UBE2E2: variants seen among roughly 807,000 people sequenced by gnomAD.
UBE2E2 encodes the protein ubiquitin conjugating enzyme E2 E2.
Under a neutral mutation model 24.7 loss-of-function variants are expected in UBE2E2, and 6 were observed. The ratio of observed to expected loss-of-function variants is 0.24; its 90% CI spans 0.13 to 0.48. The LOEUF is 0.48. Among genes scored for constraint, UBE2E2 ranks in the 20% least tolerant of loss-of-function variants. The probability of loss-of-function intolerance (pLI) is 0.99; values close to 1 mark genes in which losing one functional copy is unlikely to be tolerated. For synonymous variants in UBE2E2, 104 were observed against 83.6 expected (o/e 1.24, Z -1.33); for missense variants, 169 against 245.0 (o/e 0.69, Z 2.07).
chr3:23,305,867 T>C (rs1167691505), intron 3 of UBE2E2, among the ~76,000 whole-genome samples: 2 of 152,174 alleles, frequency 1.3e-5, no homozygotes. Context: ...AGTGCTGAGA[T>C]TACAGGTGTG....
At chr3:23,347,316 A>G (rs1230445167) in intron 3 of UBE2E2, among the ~76,000 whole-genome samples, 3 of 152,264 alleles carry the variant, frequency 2.0e-5, no homozygotes, top group Non-Finnish European at 2.9e-5. Flanking sequence ...ATGTCCATCA[A>G]TAATAGACTG....
intron 3 of UBE2E2, among the ~76,000 whole-genome samples, chr3:23,363,378 C>T (rs1250073350): frequency 2.0e-5 from 3 of 152,132 alleles, no homozygotes; most frequent in Non-Finnish European, 4.4e-5. Flanking sequence ...GAAGCAAGAT[C>T]GAACTGTATC....
chr3:23,266,042 C>T (rs1303428351), intron 3 of UBE2E2, among the ~76,000 whole-genome samples: 1 of 152,120 alleles, frequency 6.6e-6, no homozygotes, highest in East Asian at 1.9e-4. Context: ...ATGTGTGTGT[C>T]TGCACGTGAG....
At chr3:23,328,905 G>A (rs776624339) in intron 3 of UBE2E2, among the ~76,000 whole-genome samples, 3 of 151,984 alleles carry the variant, frequency 2.0e-5, no homozygotes, top group African/African-American at 4.8e-5. Context: ...CAAATGATCC[G>A]CCCACCTCGG....
At chr3:23,295,932 T>A (rs190008951) in intron 3 of UBE2E2, among the ~76,000 whole-genome samples, 1 of 152,346 alleles carries the variant, frequency 6.6e-6, no homozygotes, top group East Asian at 1.9e-4. Context: ...GGTTAGAAAC[T>A]ATTTTTTAAA....
intron 3 of UBE2E2, among the ~76,000 whole-genome samples, chr3:23,292,988 G>T (rs1056245839): frequency 6.6e-6 from 1 of 152,170 alleles, no homozygotes; most frequent in Non-Finnish European, 1.5e-5. Flanking sequence ...CAGGAGAATC[G>T]CTTGAACCTG....
intron 3 of UBE2E2, among the ~76,000 whole-genome samples, chr3:23,450,477 T>G (rs1002221094): frequency 6.6e-6 from 1 of 152,218 alleles, no homozygotes; most frequent in African/African-American, 2.4e-5. Context: ...AACATTGCTA[T>G]AGATACACCT....
At chr3:23,510,914 A>G (rs1350834869) in intron 4 of UBE2E2, among the ~76,000 whole-genome samples, 1 of 152,220 alleles carries the variant, frequency 6.6e-6, no homozygotes, top group Non-Finnish European at 1.5e-5. Context: ...GGCTGACACA[A>G]TAGTTCAGCC....
At chr3:23,463,978 T>C (rs942975576) in intron 3 of UBE2E2, among the ~76,000 whole-genome samples, 1 of 152,166 alleles carries the variant, frequency 6.6e-6, no homozygotes, top group Non-Finnish European at 1.5e-5. Flanking sequence ...AACTGTGACA[T>C]TGGGCTCCAT....
chr3:23,398,807 G>A (rs550453244), intron 3 of UBE2E2, among the ~76,000 whole-genome samples: 28 of 152,042 alleles, frequency 1.8e-4, no homozygotes, highest in African/African-American at 6.5e-4. Context: ...TAATGATCTG[G>A]GTTTAAACCT....
Position 23,323,345 on chromosome 3 carries a change from T to C in UBE2E2, c.227+106033T>C, listed in dbSNP as rs181561885. 3.3e-5 allele frequency among the ~76,000 whole-genome samples: 5 copies of C among 152,304 alleles called. No individual in the cohort carries two copies. The East Asian group carries it at 9.6e-4, about 29-fold the overall frequency. ...TGGTTAGTCATGGTAGTACTTACTGTCTTGTTTCTTCTAGGGAATACAAAA... is the reference window on the plus strand; with the variant it reads ...TGGTTAGTCATGGTAGTACTTACTGCCTTGTTTCTTCTAGGGAATACAAAA... On this transcript the variant is annotated intron_variant, in intron 3 of 5. Transcript: ENST00000396703.
chr3:23,215,894 A>G lies in UBE2E2; in HGVS notation c.177-1368A>G, dbSNP rs138763308. Among the ~76,000 whole-genome samples, 34 of 152,274 alleles carry G rather than the reference A, an allele frequency of 2.2e-4. 1 individual carries two copies. In the East Asian group the frequency reaches 6.6e-3, roughly 29 times the overall value. On this transcript the variant is annotated intron_variant, in intron 2 of 5. Transcript: ENST00000396703. ...TGAAATCCATAAAATATCTTCTCCT[A>G]TATCAAATCTTTGAGACTTCTGTCA... is the stretch of plus-strand genomic sequence containing the variant.
chr3:23,311,590 C>A (rs565975700), intron 3 of UBE2E2, among the ~76,000 whole-genome samples: 3 of 152,084 alleles, frequency 2.0e-5, no homozygotes, highest in African/African-American at 7.2e-5. Context: ...TGCTTACATT[C>A]TCTGTGCTTT....
rs1463863638 is a variant in UBE2E2 at position 23,589,074 on chromosome 3, A to G, written c.509-660A>G. On this transcript the variant is annotated intron_variant, in intron 5 of 5. Coordinates refer to ENST00000396703, the MANE Select transcript of UBE2E2 (RefSeq NM_152653.4). This position sits in a 1 kb window ranked among gnomAD's most constrained non-coding sequence, Gnocchi z 4.1. The stretch of plus-strand genomic sequence containing the variant: ...GCCAAACGTCTTCCCAGGAGAGCTC[A>G]TCAAGAGCCCATGAGTCCCCTGCCC... 6.6e-6 allele frequency among the ~76,000 whole-genome samples: 1 copy of G among 152,020 alleles called. No individual in the cohort carries two copies. The highest frequency in any genetic ancestry group is 1.5e-5 in the Non-Finnish European group (1 of 68,004).
intron 3 of UBE2E2, among the ~76,000 whole-genome samples, chr3:23,361,952 G>A (rs1696126983): frequency 6.6e-6 from 1 of 152,174 alleles, no homozygotes; most frequent in Admixed American, 6.5e-5. Flanking sequence ...TAATTTAAAA[G>A]TTTTAATTGT....
chr3:23,382,245 A>G (rs6799132), intron 3 of UBE2E2, among the ~76,000 whole-genome samples: 124,051 of 148,162 alleles, frequency 0.84, 51,956 homozygotes, highest in African/African-American at 0.88. Flanking sequence ...GCAGTGGCGC[A>G]ATCTCGGCTC....
chr3:23,341,525 G>T (rs1695387178), intron 3 of UBE2E2, among the ~76,000 whole-genome samples: 1 of 152,142 alleles, frequency 6.6e-6, no homozygotes, highest in South Asian at 2.1e-4. Context: ...ACAAGCTAAA[G>T]GTTTGAGTGT....
chr3:23,377,270 T>C (rs1696548278), intron 3 of UBE2E2, among the ~76,000 whole-genome samples: 1 of 152,164 alleles, frequency 6.6e-6, no homozygotes. Flanking sequence ...AATTGTCTCA[T>C]TTAGCAAGCA....
intron 4 of UBE2E2, among the ~76,000 whole-genome samples, chr3:23,522,384 G>T (rs970707791): frequency 1.3e-5 from 2 of 152,058 alleles, no homozygotes; most frequent in East Asian, 3.9e-4. Context: ...TGCCCGCCTC[G>T]GCCTTCCAAA....
Sources: allele counts gnomAD v4.1 joint callset (sites outside exome capture counted in the v4.1 genomes callset), GRCh38; gene constraint gnomAD v4.1.1; non-coding constraint Gnocchi (gnomAD v3.1); transcripts MANE v1.5; gene names NCBI Gene and HGNC (gene_info 2026-07-23, HGNC 2026-07-21).